Variants in HELZ observed in about 807,000 individuals in gnomAD.
The protein encoded by HELZ is ATP-dependent RNA helicase with zinc finger domain.
In HELZ, 23 loss-of-function variants were observed where a neutral mutation model predicts 218.2. That is an observed-to-expected ratio of 0.11 (90% CI 0.08 to 0.15). The LOEUF is 0.15. Among genes scored for constraint, HELZ ranks in the 10% least tolerant of loss-of-function variants. The probability of loss-of-function intolerance (pLI) is 1.00; values close to 1 mark genes in which losing one functional copy is unlikely to be tolerated. For synonymous variants in HELZ, 814 were observed against 829.4 expected (o/e 0.98, Z 0.32); for missense variants, 1,813 against 2,353.7 (o/e 0.77, Z 4.75).
intron 24 of HELZ, among the ~76,000 whole-genome samples, chr17:67,127,800 T>C (rs2037847973): frequency 1.3e-5 from 2 of 150,696 alleles, no homozygotes; most frequent in Admixed American, 1.3e-4. Context: ...GAGCCCAGAA[T>C]GTGCCACTGC....
intron 21 of HELZ, among the ~76,000 whole-genome samples, chr17:67,144,214 C>A (rs2038422487): frequency 6.6e-6 from 1 of 152,070 alleles, no homozygotes; most frequent in South Asian, 2.1e-4. Context: ...TATGCCTATA[C>A]TGGTATTCAA....
At chr17:67,088,753 C>T (rs1372254829) in intron 31 of HELZ, among the ~76,000 whole-genome samples, 1 of 152,156 alleles carries the variant, frequency 6.6e-6, no homozygotes, top group East Asian at 1.9e-4. Flanking sequence ...TTTTACTCTG[C>T]TTTAAAGGCA....
chr17:67,098,013 G>A (rs896282962), intron 31 of HELZ, among the ~76,000 whole-genome samples: 16 of 152,102 alleles, frequency 1.1e-4, no homozygotes, highest in African/African-American at 3.6e-4. Context: ...TACAATTCAA[G>A]AAATCAAGAA....
chr17:67,238,349 C>CA (rs71368808), intron 3 of HELZ, among the ~76,000 whole-genome samples: 2,387 of 45,610 alleles, frequency 0.052, 51 homozygotes, highest in East Asian at 0.074. Context: ...CTCTGTCTCT[C>CA]AAAAAAAAAA....
chr17:67,214,630 A>G (rs1182435845), intron 5 of HELZ, among the ~76,000 whole-genome samples: 1 of 152,136 alleles, frequency 6.6e-6, no homozygotes, highest in Non-Finnish European at 1.5e-5. Context: ...AACTCATGTT[A>G]AATACCTCAG....
chr17:67,154,262 T>C (rs956093579), intron 17 of HELZ, among the ~76,000 whole-genome samples: 2 of 152,104 alleles, frequency 1.3e-5, no homozygotes, highest in African/African-American at 4.8e-5. Flanking sequence ...ACCCCGTATC[T>C]ACTAAAAATA....
At chr17:67,085,000 G>A (rs2036321726) in intron 32 of HELZ, among the ~76,000 whole-genome samples, 1 of 152,206 alleles carries the variant, frequency 6.6e-6, no homozygotes, top group African/African-American at 2.4e-5. Flanking sequence ...CAGCTACTCG[G>A]GAGGCTGAGG....
intron 12 of HELZ, among the ~76,000 whole-genome samples, chr17:67,187,015 T>C (rs1035620821): frequency 6.6e-6 from 1 of 152,194 alleles, no homozygotes; most frequent in African/African-American, 2.4e-5. Flanking sequence ...GCATTGTCTA[T>C]GGCTGCTTTC....
intron 21 of HELZ, 116 bp from the exon 22 acceptor site, chr17:67,138,230 A>T (rs2038212854): frequency 1.3e-6 from 1 of 781,794 alleles, no homozygotes; most frequent in African/African-American, 1.8e-5. Flanking sequence ...TCATTTAAAA[A>T]AAAAAAAAAA....
Position 67,137,956 on chromosome 17 carries a change from A to C in HELZ, c.2928T>G (p.Asn976Lys). Residue 976 changes from asparagine to lysine, a missense_variant, in exon 22 of 33, where the codon AAT (asparagine) becomes AAG (lysine). Asn to Lys is a moderately conservative substitution (Grantham distance 94). Coordinates refer to ENST00000358691, the MANE Select transcript of HELZ (RefSeq NM_014877.4). ...ELRKKRLSDV[N>K]VERVLNVQGK... ...CTTGAACATTTAGCACCCTTTCTAC[A>C]TTAACATCAGATAATCTCTTTTTTC... is the stretch of plus-strand genomic sequence containing the variant. 6.2e-7 allele frequency: 1 copy of C among 1,612,748 alleles called. No homozygotes were observed. Among genetic ancestry groups the C allele is most frequent in the Non-Finnish European group, 8.5e-7 (1 of 1,179,198 alleles).
chr17:67,088,200 G>A (rs1428363242), intron 31 of HELZ, among the ~76,000 whole-genome samples: 1 of 152,180 alleles, frequency 6.6e-6, no homozygotes, highest in Non-Finnish European at 1.5e-5. Flanking sequence ...ATGACAGAAT[G>A]GGATTGGTGT....
chr17:67,160,714 AT>A (rs1416126483), intron 16 of HELZ, among the ~76,000 whole-genome samples, 182 bp downstream of exon 16: 1 of 152,204 alleles, frequency 6.6e-6, no homozygotes, highest in Non-Finnish European at 1.5e-5. Flanking sequence ...TAAAAACAGT[AT>A]GTTTTAAGAG....
chr17:67,155,837 A>G (rs1259729903), intron 17 of HELZ, among the ~76,000 whole-genome samples: 1 of 151,368 alleles, frequency 6.6e-6, no homozygotes, highest in Non-Finnish European at 1.5e-5. Context: ...ACTCTGTCTT[A>G]AAAAAGAAAA....
At chr17:67,128,893 T>C in intron 23 of HELZ, 38 bp from the exon 24 acceptor site, 1 of 1,411,388 alleles carries the variant, frequency 7.1e-7, no homozygotes, top group Non-Finnish European at 1.0e-6. Context: ...TACAATTCAA[T>C]GGATGAGATC....
Position 67,213,224 on chromosome 17 carries a change from T to C in HELZ, c.247+2675A>G, listed in dbSNP as rs563005422. Among the ~76,000 whole-genome samples, 10 of 152,270 alleles carry C rather than the reference T, an allele frequency of 6.6e-5. No homozygotes were observed. The East Asian group carries it at 1.3e-3, about 21-fold the overall frequency. On this transcript the variant is annotated intron_variant, in intron 5 of 32. Transcript: ENST00000358691. ...AAGGAACTATTTCTCACACATGAGA[T>C]TGGCAAAATTTCAACACTGACAGGT...
chr17:67,127,342 T>A (rs7223693), intron 24 of HELZ, among the ~76,000 whole-genome samples: 75,399 of 152,028 alleles, frequency 0.5, 19,501 homozygotes, highest in East Asian at 0.88. Flanking sequence ...ATTAATAGTA[T>A]AAGCTTGAGA....
chr17:67,079,843 T>C (rs548466333), intron 32 of HELZ, among the ~76,000 whole-genome samples: 12 of 152,382 alleles, frequency 7.9e-5, no homozygotes, highest in African/African-American at 2.9e-4. Flanking sequence ...GCAGACTACC[T>C]CTGTCCATTA....
intron 5 of HELZ, among the ~76,000 whole-genome samples, chr17:67,206,433 G>T (rs996174816): frequency 6.6e-6 from 1 of 152,134 alleles, no homozygotes; most frequent in African/African-American, 2.4e-5. Context: ...CTTTGCTGGG[G>T]TTCCATAGCC....
rs190063852 is a variant in HELZ at position 67,073,997 on chromosome 17, C to T, written c.*4255G>A. 3 of 152,196 alleles carry T rather than the reference C, an allele frequency of 2.0e-5. No homozygotes were observed. Among genetic ancestry groups the T allele is most frequent in the Non-Finnish European group, 2.9e-5 (2 of 67,996 alleles). 9.4% of individuals were successfully genotyped at this position (152,196 alleles called of 1,614,324 possible). On this transcript the variant is annotated 3_prime_UTR_variant, in exon 33 of 33. Coordinates refer to ENST00000358691, the MANE Select transcript of HELZ (RefSeq NM_014877.4). ...TCTTTGTAAGTGATTGGCACCACTA[C>T]GTGATATTTTGAACAAGAAATCGTA... is the stretch of plus-strand genomic sequence containing the variant.
Sources: allele counts gnomAD v4.1 joint callset (sites outside exome capture counted in the v4.1 genomes callset), GRCh38; gene constraint gnomAD v4.1.1; transcripts MANE v1.5; gene names NCBI Gene and HGNC (gene_info 2026-07-23, HGNC 2026-07-21).